Variants in BICD1 observed in about 807,000 individuals in gnomAD.
The protein encoded by BICD1 is BICD cargo adaptor 1, also known as protein bicaudal D homolog 1.
In BICD1, 35 loss-of-function variants were observed where a neutral mutation model predicts 92.5. The ratio of observed to expected loss-of-function variants is 0.38; its 90% CI spans 0.29 to 0.50. The LOEUF (loss-of-function observed/expected upper bound fraction) is 0.50. Among genes scored for constraint, BICD1 ranks in the 20% least tolerant of loss-of-function variants. The pLI, the probability that BICD1 is intolerant of heterozygous loss-of-function variation, is 0.93. For synonymous variants in BICD1, 429 were observed against 465.1 expected (o/e 0.92, Z 1.00); for missense variants, 950 against 1,189.8 (o/e 0.80, Z 2.97).
chr12:32,124,306 CAG>C (rs1277698178), intron 1 of BICD1, among the ~76,000 whole-genome samples: 1 of 152,116 alleles, frequency 6.6e-6, no homozygotes, highest in Non-Finnish European at 1.5e-5. Flanking sequence ...TTGGAGGCAA[CAG>C]AGATAAATGA....
chr12:32,155,272 T>G (rs957228503), intron 1 of BICD1, among the ~76,000 whole-genome samples: 1 of 152,220 alleles, frequency 6.6e-6, no homozygotes, highest in African/African-American at 2.4e-5. Flanking sequence ...CATTTCAAAC[T>G]GTTACTGAAA....
chr12:32,325,147 G>GT lies in BICD1; in HGVS notation c.1006-2302dup, dbSNP rs57917790. ...CCCCACTGCACCTGGCTCCATTTATGTTTTTTTTTTTTCAGATTTCATTTC... is the reference window on the plus strand; with the variant it reads ...CCCCACTGCACCTGGCTCCATTTATGTTTTTTTTTTTTTCAGATTTCATTTC... On this transcript the variant is annotated intron_variant, in intron 4 of 9. Transcript: ENST00000652176. Among the ~76,000 whole-genome samples the GT allele has an allele frequency of 1.0e-3, 152 of 150,058 alleles. 1 individual carries two copies. The Middle Eastern group carries it at 0.014, about 14-fold the overall frequency.
intron 1 of BICD1, among the ~76,000 whole-genome samples, chr12:32,158,115 T>TC (rs1217628616): frequency 6.6e-6 from 1 of 150,532 alleles, no homozygotes; most frequent in East Asian, 1.9e-4. Context: ...TCTTTTTTTT[T>TC]TTTTTTTGAG....
chr12:32,266,176 T>C (rs540209287), intron 2 of BICD1, among the ~76,000 whole-genome samples: 77 of 152,320 alleles, frequency 5.1e-4, no homozygotes, highest in African/African-American at 1.8e-3. Flanking sequence ...ATACATAGAC[T>C]GTCTATTTTA....
intron 2 of BICD1, among the ~76,000 whole-genome samples, chr12:32,268,750 C>T (rs1446268821): frequency 1.3e-5 from 2 of 151,966 alleles, no homozygotes; most frequent in Admixed American, 6.6e-5. Flanking sequence ...GAGCCAAGAT[C>T]GCGCCACTGC....
intron 2 of BICD1, among the ~76,000 whole-genome samples, chr12:32,225,619 C>CTTTTTTTTTTTTTTT (rs1555150859): frequency 2.4e-4 from 7 of 29,206 alleles, no homozygotes; most frequent in East Asian, 3.1e-3. Flanking sequence ...TTCTTTTTTT[C>CTTTTTTTTTTTTTTT]TGTTTTTTTT....
chr12:32,337,728 A>G lies in BICD1; in HGVS notation c.2482A>G (p.Thr828Ala), dbSNP rs1592693953. Residue 828 changes from threonine (T) to alanine (A), a missense_variant, in exon 7 of 10, where the codon ACC becomes GCC. Around this residue, in one of 5 missense-constraint regions of BICD1, gnomAD observed 179 missense variants for 186.7 expected, o/e 0.96. Transcript: ENST00000652176. The surrounding 1 kb of genome is among the most constrained non-coding windows in gnomAD (Gnocchi z 4.7). ...TAAAGTAAGTGGGGAGGCATCAGTC[A>G]CCGTGCCCACCATAGACACTTACCT... ...SPKVSGEASVTVPTIDTYLLH... is the reference protein window; with the variant it reads ...SPKVSGEASVAVPTIDTYLLH... The G allele has an allele frequency of 6.2e-7, 1 of 1,614,144 alleles. No homozygotes were observed. The highest frequency in any genetic ancestry group is 1.7e-5 in the Admixed American group (1 of 60,014).
rs570891299 is a variant in BICD1 at position 32,163,011 on chromosome 12, A to G, written c.214-53236A>G. 4.6e-5 allele frequency among the ~76,000 whole-genome samples: 7 copies of G among 151,790 alleles called. No homozygotes were observed. The South Asian group carries it at 1.5e-3, about 32-fold the overall frequency. ...AAAAAAATAAAAAATAAAAAATTTG[A>G]TATTTTATAATTTTAAATTATGGTT... is the stretch of plus-strand genomic sequence containing the variant. On this transcript the variant is annotated intron_variant, in intron 1 of 9. Coordinates refer to ENST00000652176, the MANE Select transcript of BICD1 (RefSeq NM_001714.4).
chr12:32,348,173 C>A (rs908143522), intron 8 of BICD1, among the ~76,000 whole-genome samples: 61 of 152,068 alleles, frequency 4.0e-4, no homozygotes, highest in Admixed American at 3.3e-4. Context: ...AATTACATTT[C>A]CTTAAAAGAT....
chr12:32,323,972 T>C (rs261901), intron 4 of BICD1, among the ~76,000 whole-genome samples: 125,240 of 152,150 alleles, frequency 0.82, 51,725 homozygotes, highest in East Asian at 0.87. Flanking sequence ...ACATTAGGAA[T>C]ATTGAGAGTT....
At position 32,337,664 on chromosome 12, in the gene BICD1, C is replaced by G. The variant is rs764506294; in HGVS notation, c.2418C>G (p.Arg806=). 5.0e-6 allele frequency: 8 copies of G among 1,614,150 alleles called. No individual in the cohort carries two copies. Among genetic ancestry groups the G allele is most frequent in the South Asian group, 1.1e-5 (1 of 91,084 alleles). Residue 806 remains arginine, a synonymous_variant, in exon 7 of 10, where the codon CGC becomes CGG. Coordinates refer to ENST00000652176, the MANE Select transcript of BICD1 (RefSeq NM_001714.4). The surrounding 1 kb of genome is among the most constrained non-coding windows in gnomAD (Gnocchi z 4.7). ...AGTTTGACCATGAGCAGTCCCGACGCAGCAAAGGCAAACTTGGAAAGAGCA... is the reference window on the plus strand; with the variant it reads ...AGTTTGACCATGAGCAGTCCCGACGGAGCAAAGGCAAACTTGGAAAGAGCA... ...DLEFDHEQSR[R]SKGKLGKSKI...
chr12:32,312,810 G>A lies in BICD1; in HGVS notation c.1005+6688G>A, dbSNP rs370037807. ...TCCTTGATAGTGAATAGTTCAATGA[G>A]TGTCATCCTTTATTCATGAGAGAAG... On this transcript the variant is annotated intron_variant, in intron 4 of 9. Coordinates refer to ENST00000652176, the MANE Select transcript of BICD1 (RefSeq NM_001714.4). Among the ~76,000 whole-genome samples the A allele has an allele frequency of 5.9e-5, 9 of 152,280 alleles. No individual in the cohort carries two copies. In the East Asian group the frequency reaches 7.7e-4, roughly 13 times the overall value.
chr12:32,318,715 G>A (rs990643782), intron 4 of BICD1, among the ~76,000 whole-genome samples: 3 of 152,100 alleles, frequency 2.0e-5, no homozygotes, highest in East Asian at 1.9e-4. Context: ...TTAACCAGGC[G>A]TAGTGGCGCA....
chr12:32,118,934 T>C (rs1942047038), intron 1 of BICD1, among the ~76,000 whole-genome samples: 1 of 152,232 alleles, frequency 6.6e-6, no homozygotes, highest in Non-Finnish European at 1.5e-5. Flanking sequence ...GTGGAGCTTA[T>C]GTTTCAGACT....
chr12:32,142,453 C>CCTATGTATCTAT (rs1942964601), intron 1 of BICD1, among the ~76,000 whole-genome samples: 1 of 112,882 alleles, frequency 8.9e-6, no homozygotes. Context: ...ACCTATCTAT[C>CCTATGTATCTAT]CTATCTATCT....
At chr12:32,280,098 C>CTAAATAAATAAATAAA (rs61445099) in intron 2 of BICD1, among the ~76,000 whole-genome samples, 1 of 150,410 alleles carries the variant, frequency 6.6e-6, no homozygotes, top group African/African-American at 2.5e-5. Context: ...AACTGCATCT[C>CTAAATAAATAAATAAA]TAAATAAATA....
At chr12:32,243,990 C>T (rs1241530300) in intron 2 of BICD1, among the ~76,000 whole-genome samples, 1 of 151,606 alleles carries the variant, frequency 6.6e-6, no homozygotes, top group Non-Finnish European at 1.5e-5. Flanking sequence ...CATTCTTATC[C>T]GTATTAATTA....
At chr12:32,195,109 A>AG (rs1944691331) in intron 1 of BICD1, among the ~76,000 whole-genome samples, 1 of 151,364 alleles carries the variant, frequency 6.6e-6, no homozygotes, top group Admixed American at 6.6e-5. Flanking sequence ...AAAAAAAAAA[A>AG]TTGAAGACAG....
intron 1 of BICD1, among the ~76,000 whole-genome samples, chr12:32,157,253 T>A (rs1943466648): frequency 6.6e-6 from 1 of 152,194 alleles, no homozygotes; most frequent in South Asian, 2.1e-4. Flanking sequence ...ATCCCTACTT[T>A]TGTGTGTCAA....
Sources: allele counts gnomAD v4.1 joint callset (sites outside exome capture counted in the v4.1 genomes callset), GRCh38; gene constraint gnomAD v4.1.1; regional missense constraint gnomAD v4.1.1; non-coding constraint Gnocchi (gnomAD v3.1); transcripts MANE v1.5; gene names NCBI Gene and HGNC (gene_info 2026-07-23, HGNC 2026-07-21).